Variants in ANKH observed in about 807,000 individuals in gnomAD.
ANKH encodes the protein mineralization regulator ANKH.
ANKH carries 15 observed loss-of-function variants against 49.0 expected under a neutral mutation model. The observed-to-expected ratio is 0.31, with a 90% CI of 0.20 to 0.47. ANKH has a LOEUF of 0.47. ANKH is among the 20% of genes least tolerant of loss of function. ANKH has a pLI of 1.00. For missense variants in ANKH, 429 were observed against 652.0 expected (o/e 0.66, Z 3.72); for synonymous variants, 273 against 260.0 (o/e 1.05, Z -0.48).
At chr5:14,825,760 C>A (rs1353592620) in intron 1 of ANKH, among the ~76,000 whole-genome samples, 1 of 152,216 alleles carries the variant, frequency 6.6e-6, no homozygotes, top group Non-Finnish European at 1.5e-5. Context: ...TGCAGAATCT[C>A]TTAAGAAAAT....
chr5:14,740,725 G>A (rs1256864269), intron 8 of ANKH, among the ~76,000 whole-genome samples: 2 of 152,176 alleles, frequency 1.3e-5, no homozygotes, highest in African/African-American at 4.8e-5. Flanking sequence ...ATGTACGCAG[G>A]CCTTGAGTTT....
chr5:14,802,394 C>T (rs1231990300), intron 1 of ANKH, among the ~76,000 whole-genome samples: 1 of 152,122 alleles, frequency 6.6e-6, no homozygotes, highest in Non-Finnish European at 1.5e-5. Context: ...AGACCCACCG[C>T]CTAGTGCAGA....
chr5:14,841,217 T>C (rs1477078706), intron 1 of ANKH, among the ~76,000 whole-genome samples: 2 of 152,176 alleles, frequency 1.3e-5, no homozygotes, highest in East Asian at 3.9e-4. Context: ...GGAAAAATAA[T>C]TAATGCATAA....
At chr5:14,746,887 T>C (rs894319225) in intron 6 of ANKH, among the ~76,000 whole-genome samples, 4 of 152,214 alleles carry the variant, frequency 2.6e-5, no homozygotes, top group Non-Finnish European at 4.4e-5. Flanking sequence ...GTGTAGGCTA[T>C]GAAGATGGGA....
intron 1 of ANKH, among the ~76,000 whole-genome samples, chr5:14,811,174 C>T (rs1449356960): frequency 6.7e-6 from 1 of 148,634 alleles, no homozygotes; most frequent in Non-Finnish European, 1.5e-5. Context: ...AACAGTCACT[C>T]GGCTTTCAAG....
chr5:14,848,747 A>G (rs1221718199), intron 1 of ANKH, among the ~76,000 whole-genome samples: 7 of 152,218 alleles, frequency 4.6e-5, no homozygotes, highest in Non-Finnish European at 1.0e-4. Flanking sequence ...CACGGCTTCT[A>G]ATAGAGCTAA....
At chr5:14,757,252 C>A (rs1319769344) in intron 3 of ANKH, among the ~76,000 whole-genome samples, 1 of 151,918 alleles carries the variant, frequency 6.6e-6, no homozygotes, top group African/African-American at 2.4e-5. Flanking sequence ...GCAGGGAAGC[C>A]AGTTATGCAC....
chr5:14,817,199 G>A (rs771035774), intron 1 of ANKH, among the ~76,000 whole-genome samples: 20 of 152,176 alleles, frequency 1.3e-4, no homozygotes, highest in Non-Finnish European at 2.9e-5. Flanking sequence ...ATTCTGTTTG[G>A]CTTTCTGTGG....
rs1561058001 is a variant in ANKH, at chr5:14,793,070, A to AT, written c.97-23880_97-23879insA. ...TATAAATATATATAAAATATATATA[A>AT]ATATATAAAAATATATATATAAATA... On this transcript the variant is annotated intron_variant, in intron 1 of 11. Transcript: ENST00000284268. Among the ~76,000 whole-genome samples, 3 of 108,436 alleles carry AT rather than the reference A, an allele frequency of 2.8e-5. No individual in the cohort carries two copies. In the Admixed American group the frequency reaches 3.0e-4, roughly 11 times the overall value. 71.1% of individuals were successfully genotyped at this position (108,436 alleles called of 152,430 possible).
At position 14,774,819 on chromosome 5, in the gene ANKH, G is replaced by T. The variant is rs75161167; in HGVS notation, c.97-5628C>A. 9.5e-4 allele frequency among the ~76,000 whole-genome samples: 144 copies of T among 152,166 alleles called. 3 individuals are homozygous for T. In the East Asian group the frequency reaches 0.026, roughly 28 times the overall value. On this transcript the variant is annotated intron_variant, in intron 1 of 11. Transcript: ENST00000284268. ...CTACATCCCCAGACCTACAACATGG[G>T]GGGTGGTAGGGCATCTCAAGATAGA... is the stretch of plus-strand genomic sequence containing the variant.
In ANKH at chr5:14,758,546, C is replaced by T; in HGVS notation, c.366G>A (p.Glu122=). 4 of 1,614,196 alleles carry T rather than the reference C, an allele frequency of 2.5e-6. No homozygotes were observed. The highest frequency in any genetic ancestry group is 1.6e-4 in the Middle Eastern group (1 of 6,062). ...YIINKLHHVD[E]SVGSKTRRAF... ...CCCTTCTCGTCTTGCTCCCCACCGA[C>T]TCGTCCACATGGTGCAGTTTATTGA... is the stretch of plus-strand genomic sequence containing the variant. The change falls in exon 3 of 12, where the codon GAG becomes GAA. Residue 122 remains glutamate, a synonymous_variant. Coordinates refer to ENST00000284268, the MANE Select transcript of ANKH (RefSeq NM_054027.6).
intron 1 of ANKH, among the ~76,000 whole-genome samples, chr5:14,834,647 G>A (rs948525409): frequency 3.3e-5 from 5 of 152,034 alleles, no homozygotes; most frequent in African/African-American, 7.3e-5. Flanking sequence ...CAGGTGTGGT[G>A]GTACACACCT....
chr5:14,783,289 T>TACAC (rs57904537), intron 1 of ANKH, among the ~76,000 whole-genome samples: 7,034 of 144,508 alleles, frequency 0.049, 218 homozygotes, highest in African/African-American at 0.097. Context: ...GCCACCATTC[T>TACAC]ACACACACAC....
intron 1 of ANKH, among the ~76,000 whole-genome samples, chr5:14,771,942 AAAAAAC>A (rs1739453644): frequency 6.7e-6 from 1 of 150,070 alleles, no homozygotes; most frequent in African/African-American, 2.4e-5. Context: ...AAAAAAAAAA[AAAAAAC>A]CAAAACAAAA....
chr5:14,812,086 A>C, intron 1 of ANKH, among the ~76,000 whole-genome samples: 1 of 147,164 alleles, frequency 6.8e-6, no homozygotes, highest in East Asian at 2.0e-4. Context: ...CAATCACTGG[A>C]TCCTGAAGGT....
At chr5:14,758,208 G>C (rs1338173770) in intron 3 of ANKH, among the ~76,000 whole-genome samples, 1 of 152,206 alleles carries the variant, frequency 6.6e-6, no homozygotes, top group Non-Finnish European at 1.5e-5. Flanking sequence ...CTCTTTTGAG[G>C]TATCTCAAGT....
At chr5:14,801,247 A>G (rs1740559075) in intron 1 of ANKH, among the ~76,000 whole-genome samples, 1 of 152,210 alleles carries the variant, frequency 6.6e-6, no homozygotes, top group African/African-American at 2.4e-5. Flanking sequence ...ATAGAACCCT[A>G]TTAGATGCCT....
At chr5:14,844,267 A>G (rs1225303355) in intron 1 of ANKH, among the ~76,000 whole-genome samples, 1 of 152,210 alleles carries the variant, frequency 6.6e-6, no homozygotes, top group Non-Finnish European at 1.5e-5. Flanking sequence ...TCTGCACAAT[A>G]AGTGAATAGG....
intron 2 of ANKH, among the ~76,000 whole-genome samples, chr5:14,767,441 T>G (rs1290013268): frequency 1.3e-5 from 2 of 152,226 alleles, no homozygotes; most frequent in African/African-American, 4.8e-5. Flanking sequence ...GTATAAAAAC[T>G]AATAATGATT....
Sources: allele counts gnomAD v4.1 joint callset (sites outside exome capture counted in the v4.1 genomes callset), GRCh38; gene constraint gnomAD v4.1.1; transcripts MANE v1.5; gene names NCBI Gene and HGNC (gene_info 2026-07-23, HGNC 2026-07-21).